CREB5: variants seen among roughly 807,000 people sequenced by gnomAD.
The protein encoded by CREB5 is cyclic AMP-responsive element-binding protein 5.
A neutral mutation model predicts 57.1 loss-of-function variants in CREB5; 19 were observed. That is an observed-to-expected ratio of 0.33 (90% CI 0.23 to 0.49). The LOEUF is 0.49. CREB5 is among the 20% of genes least tolerant of loss of function. CREB5 has a pLI of 0.99. For synonymous variants in CREB5, 238 were observed against 238.3 expected, an observed-to-expected ratio of 1.00 and a Z score of 0.01; for missense variants, 579 against 671.6, an observed-to-expected ratio of 0.86 and a Z score of 1.52.
chr7:28,488,538 T>C (rs1791669434), intron 2 of CREB5, among the ~76,000 whole-genome samples: 1 of 152,216 alleles, frequency 6.6e-6, no homozygotes, highest in African/African-American at 2.4e-5. Context: ...CCACCAAATA[T>C]GCAGGGCCAT....
intron 7 of CREB5, among the ~76,000 whole-genome samples, chr7:28,803,374 C>T (rs1468314751): frequency 6.6e-6 from 1 of 152,174 alleles, no homozygotes. Context: ...ATCAGATTAG[C>T]TCTCTACTTT....
chr7:28,519,415 A>G lies in CREB5; in HGVS notation c.291+11678A>G, dbSNP rs892978387. Among the ~76,000 whole-genome samples the G allele has an allele frequency of 3.3e-4, 50 of 152,344 alleles. 1 individual carries two copies. Among genetic ancestry groups the G allele is most frequent in the Admixed American group, 1.0e-3 (16 of 15,306 alleles). On this transcript the variant is annotated intron_variant, in intron 4 of 10. Coordinates refer to ENST00000357727, the MANE Select transcript of CREB5 (RefSeq NM_182898.4). ...TGCTTATAATGTTCAATCCAACACCAGCTTTAACAGATAATTGCTATCAAA... is the reference window on the plus strand; with the variant it reads ...TGCTTATAATGTTCAATCCAACACCGGCTTTAACAGATAATTGCTATCAAA...
At chr7:28,558,245 TAA>T (rs2128637861) in intron 4 of CREB5, among the ~76,000 whole-genome samples, 1 of 152,354 alleles carries the variant, frequency 6.6e-6, no homozygotes, top group South Asian at 2.1e-4. Context: ...TAATGACGAC[TAA>T]GTTTGGTTGG....
intron 4 of CREB5, among the ~76,000 whole-genome samples, chr7:28,533,437 C>T (rs933084517): frequency 3.3e-5 from 5 of 152,196 alleles, no homozygotes; most frequent in African/African-American, 4.8e-5. Context: ...TACCTGTCCC[C>T]GCACAGTTGC....
intron 1 of CREB5, among the ~76,000 whole-genome samples, chr7:28,319,194 A>T (rs924916446): frequency 6.6e-6 from 1 of 152,000 alleles, no homozygotes; most frequent in Non-Finnish European, 1.5e-5. Context: ...GCATCTCCTA[A>T]TAGGTGTGCC....
intron 5 of CREB5, among the ~76,000 whole-genome samples, chr7:28,643,956 A>G (rs1798790712): frequency 6.6e-6 from 1 of 151,898 alleles, no homozygotes; most frequent in African/African-American, 2.4e-5. Context: ...GTGTGTACCT[A>G]TAGTCCAGCT....
intron 6 of CREB5, among the ~76,000 whole-genome samples, chr7:28,720,600 C>G (rs1008603900): frequency 2.6e-5 from 4 of 152,128 alleles, no homozygotes; most frequent in African/African-American, 9.7e-5. Context: ...GACTTGCCCA[C>G]CCTAAATACT....
intron 1 of CREB5, among the ~76,000 whole-genome samples, chr7:28,487,611 G>A (rs1034299716): frequency 1.1e-4 from 17 of 152,182 alleles, no homozygotes; most frequent in African/African-American, 3.1e-4. Context: ...ACCACGGTTC[G>A]CCACCAGAAT....
chr7:28,637,192 G>C (rs1193076342), intron 5 of CREB5, among the ~76,000 whole-genome samples: 1 of 151,780 alleles, frequency 6.6e-6, no homozygotes, highest in East Asian at 1.9e-4. Flanking sequence ...GAAAGGAAAA[G>C]AAAAGAAAAT....
chr7:28,584,683 C>G (rs1051108138), intron 5 of CREB5, among the ~76,000 whole-genome samples: 1 of 152,026 alleles, frequency 6.6e-6, no homozygotes, highest in African/African-American at 2.4e-5. Context: ...TTTTAAACCA[C>G]CCAGTTTGTG....
intron 7 of CREB5, among the ~76,000 whole-genome samples, chr7:28,764,470 A>T (rs1805847158): frequency 6.6e-6 from 1 of 152,210 alleles, no homozygotes. Context: ...AATGTTTAAG[A>T]GAAGGATCAA....
At chr7:28,591,952 G>C (rs542556154) in intron 5 of CREB5, among the ~76,000 whole-genome samples, 1 of 152,276 alleles carries the variant, frequency 6.6e-6, no homozygotes, top group Admixed American at 6.5e-5. Flanking sequence ...AATTGAATTT[G>C]GATAGTCATA....
At chr7:28,379,971 C>G (rs994593258) in intron 1 of CREB5, among the ~76,000 whole-genome samples, 1 of 152,186 alleles carries the variant, frequency 6.6e-6, no homozygotes, top group African/African-American at 2.4e-5. Flanking sequence ...CTCACTGCAG[C>G]CTCAAACTGG....
At chr7:28,597,463 A>G (rs1282559918) in intron 5 of CREB5, among the ~76,000 whole-genome samples, 2 of 152,222 alleles carry the variant, frequency 1.3e-5, no homozygotes. Flanking sequence ...ACGTGCTAAC[A>G]GTGCCCTTGG....
At chr7:28,608,107 TCTCTCTCACACACA>T (rs1468579738) in intron 5 of CREB5, among the ~76,000 whole-genome samples, 44 of 34,346 alleles carry the variant, frequency 1.3e-3, no homozygotes, top group African/African-American at 4.8e-3. Context: ...TCTCTCTCTC[TCTCTCTCACACACA>T]CTCACACACA....
At chr7:28,790,990 T>C (rs1294954597) in intron 7 of CREB5, among the ~76,000 whole-genome samples, 1 of 152,194 alleles carries the variant, frequency 6.6e-6, no homozygotes, top group Non-Finnish European at 1.5e-5. Flanking sequence ...AAAATTTCCA[T>C]ACACAATCTT....
chr7:28,536,524 G>A (rs766248049), intron 4 of CREB5, among the ~76,000 whole-genome samples: 23 of 152,162 alleles, frequency 1.5e-4, no homozygotes, highest in Non-Finnish European at 2.9e-4. Flanking sequence ...TTAGGGTTTG[G>A]CAGCTTCACG....
intron 1 of CREB5, among the ~76,000 whole-genome samples, chr7:28,478,020 G>T (rs1018679360): frequency 5.9e-5 from 9 of 152,142 alleles, no homozygotes; most frequent in African/African-American, 2.2e-4. Flanking sequence ...AGAGGCTGAG[G>T]TGGGAGGGTC....
At chr7:28,672,694 C>T (rs1800109308) in intron 5 of CREB5, among the ~76,000 whole-genome samples, 2 of 152,108 alleles carry the variant, frequency 1.3e-5, no homozygotes, top group Non-Finnish European at 2.9e-5. Flanking sequence ...ACCTCCCCTA[C>T]AATCCAGAGA....
Sources: gnomAD v4.1 joint callset for allele counts (sites outside exome capture counted in the v4.1 genomes callset) on GRCh38, gnomAD v4.1.1 for gene constraint, MANE v1.5 for transcripts, NCBI Gene and HGNC (gene_info 2026-07-23, HGNC 2026-07-21) for gene names.